CRTC3: variants seen among roughly 807,000 people sequenced by gnomAD.
CRTC3 encodes CREB regulated transcription coactivator 3.
In CRTC3, 26 loss-of-function variants were observed where a neutral mutation model predicts 74.5. The ratio of observed to expected loss-of-function variants is 0.35; its 90% confidence interval spans 0.26 to 0.48. The LOEUF (loss-of-function observed/expected upper bound fraction) is 0.48. Ranked by LOEUF, CRTC3 falls within the 20% of genes least tolerant of loss-of-function variation. The probability of loss-of-function intolerance (pLI) is 0.99; values close to 1 mark genes in which losing one functional copy is unlikely to be tolerated. For synonymous variants in CRTC3, 377 were observed against 325.8 expected, an observed-to-expected ratio of 1.16 and a Z score of -1.69; for missense variants, 760 against 787.3, an observed-to-expected ratio of 0.97 and a Z score of 0.41.
rs1284411159 is a variant in CRTC3 at position 90,593,394 on chromosome 15, C to A, written c.232-242C>A. ...TGATTCTCCTCCCCCAATTGCATGA[C>A]AACTTTTATTATTCTTTCAGCTTTC... On this transcript the variant is annotated intron_variant, in intron 2 of 14. Coordinates refer to ENST00000268184, the MANE Select transcript of CRTC3 (RefSeq NM_022769.5). 2.0e-5 allele frequency among the ~76,000 whole-genome samples: 3 copies of A among 152,168 alleles called. No homozygotes were observed. The East Asian group carries it at 5.8e-4, about 29-fold the overall frequency.
chr15:90,624,087 C>A (rs1968744002), intron 9 of CRTC3, among the ~76,000 whole-genome samples: 1 of 152,174 alleles, frequency 6.6e-6, no homozygotes, highest in East Asian at 1.9e-4. Flanking sequence ...GGTTATGCTC[C>A]TTATGGCTCA....
intron 9 of CRTC3, among the ~76,000 whole-genome samples, chr15:90,624,054 C>T (rs1438909350): frequency 6.6e-6 from 1 of 152,202 alleles, no homozygotes; most frequent in Non-Finnish European, 1.5e-5. Flanking sequence ...TATCACTGCA[C>T]TACTGAATTG....
chr15:90,636,410 G>A (rs1219701872), intron 11 of CRTC3, among the ~76,000 whole-genome samples: 1 of 148,314 alleles, frequency 6.7e-6, no homozygotes, highest in East Asian at 2.0e-4. Context: ...ATTAATTCAA[G>A]ATGGATTAAA....
At chr15:90,625,227 C>T (rs1968790729) in intron 9 of CRTC3, among the ~76,000 whole-genome samples, 1 of 152,262 alleles carries the variant, frequency 6.6e-6, no homozygotes, top group African/African-American at 2.4e-5. Context: ...CGGACACACT[C>T]GCCCTGCTTG....
At position 90,642,124 on chromosome 15, in the gene CRTC3, G is replaced by A. The variant is rs754979131; in HGVS notation, c.1844G>A (p.Arg615Gln). ...LLDPSVEETF[R>Q]ADRL ...GACCCCTCTGTTGAAGAGACGTTTC[G>A]AGCTGACAGACTGTGAACAGAAGGC... The change falls in exon 15 of 15, where the codon CGA (arginine) becomes CAA (glutamine). Residue 615 changes from arginine to glutamine, a missense_variant. Physicochemically the swap from Arg to Gln is conservative, Grantham distance 43 (BLOSUM62 1). This residue lies in a region of CRTC3 where 652 missense variants were observed against 635.2 expected (regional missense o/e 1.03). Coordinates refer to ENST00000268184, the MANE Select transcript of CRTC3 (RefSeq NM_022769.5). 1.9e-5 allele frequency: 31 copies of A among 1,613,856 alleles called. No individual in the cohort carries two copies. Among genetic ancestry groups the A allele is most frequent in the African/African-American group, 1.2e-4 (9 of 74,926 alleles).
chr15:90,540,982 A>G (rs952767002), intron 2 of CRTC3, among the ~76,000 whole-genome samples: 1 of 152,176 alleles, frequency 6.6e-6, no homozygotes, highest in African/African-American at 2.4e-5. Context: ...TGGCTACCAC[A>G]TGGCTCAGTG....
chr15:90,591,899 T>C (rs578215206), intron 2 of CRTC3, among the ~76,000 whole-genome samples: 1 of 152,356 alleles, frequency 6.6e-6, no homozygotes, highest in African/African-American at 2.4e-5. Flanking sequence ...TTCTCTAGAA[T>C]AGAGTATTCC....
At chr15:90,641,454 T>C (rs899977741) in intron 14 of CRTC3, among the ~76,000 whole-genome samples, 3 of 152,010 alleles carry the variant, frequency 2.0e-5, no homozygotes, top group Non-Finnish European at 4.4e-5. Flanking sequence ...TCCCAGCACT[T>C]TGGGAGGCCG....
At chr15:90,617,802 A>T in intron 7 of CRTC3, 81 bp from the exon 8 acceptor site, 1 of 908,712 alleles carries the variant, frequency 1.1e-6, no homozygotes, top group Non-Finnish European at 1.8e-6. Context: ...AAGTGCTAGG[A>T]TTATAGGCGT....
chr15:90,569,221 C>T (rs1429122792), intron 2 of CRTC3, among the ~76,000 whole-genome samples: 1 of 151,766 alleles, frequency 6.6e-6, no homozygotes, highest in Non-Finnish European at 1.5e-5. Flanking sequence ...CCAGGCTGGT[C>T]TCAAACTCCT....
chr15:90,550,538 G>T (rs957899639), intron 2 of CRTC3, among the ~76,000 whole-genome samples: 6 of 150,614 alleles, frequency 4.0e-5, no homozygotes, highest in Non-Finnish European at 8.8e-5. Flanking sequence ...CAAGCAGATG[G>T]CACTGTCATG....
Position 90,530,220 on chromosome 15 carries a change from GCGCGGGCGGGGGCGGCCACGGC to G in CRTC3, c.132+28_132+49del, listed in dbSNP as rs754618349. On this transcript the variant is annotated intron_variant, in intron 1 of 14. Coordinates refer to ENST00000268184, the MANE Select transcript of CRTC3 (RefSeq NM_022769.5). This position sits in a 1 kb window ranked among gnomAD's most constrained non-coding sequence, Gnocchi z 6.2. ...CTGTCGCGGGTGAGGGCCCGGGCCGGCGCGGGCGGGGGCGGCCACGGCCGCGGGCGGGACCCGCGCGGCGGGT... is the reference window on the plus strand; with the variant it reads ...CTGTCGCGGGTGAGGGCCCGGGCCGGCGCGGGCGGGACCCGCGCGGCGGGT... 187 of 1,134,654 alleles carry G rather than the reference GCGCGGGCGGGGGCGGCCACGGC, an allele frequency of 1.6e-4. No homozygotes were observed. Among genetic ancestry groups the G allele is most frequent in the African/African-American group, 3.3e-4 (19 of 58,214 alleles). 70.3% of individuals were successfully genotyped at this position (1,134,654 alleles called of 1,614,324 possible). A position where few individuals can be genotyped will look rare whatever the true frequency, so the allele number is the denominator to read the frequency against.
intron 8 of CRTC3, among the ~76,000 whole-genome samples, chr15:90,618,608 T>C (rs142376268): frequency 2.1e-3 from 317 of 152,326 alleles, no homozygotes; most frequent in African/African-American, 7.5e-3. Flanking sequence ...GTTAATCTGT[T>C]CCAGCCCTTA....
At position 90,533,545 on chromosome 15, in the gene CRTC3, G is replaced by A. The variant is rs80187261; in HGVS notation, c.132+3342G>A. ...GTGCCTACTTTGTTGTTAATGGGGT[G>A]TGTGTTTGTGAGGGAGAAGAGTGAA... is the stretch of plus-strand genomic sequence containing the variant. On this transcript the variant is annotated intron_variant, in intron 1 of 14. Coordinates refer to ENST00000268184, the MANE Select transcript of CRTC3 (RefSeq NM_022769.5). Among the ~76,000 whole-genome samples the A allele has an allele frequency of 2.6e-5, 4 of 152,246 alleles. No homozygotes were observed. In the East Asian group the frequency reaches 7.7e-4, roughly 29 times the overall value.
chr15:90,571,227 C>G (rs2151069785), intron 2 of CRTC3, among the ~76,000 whole-genome samples: 1 of 152,206 alleles, frequency 6.6e-6, no homozygotes, highest in Admixed American at 6.5e-5. Flanking sequence ...ATTGTGACAC[C>G]ATGTGACAAA....
At chr15:90,538,468 C>T (rs954980187) in intron 1 of CRTC3, among the ~76,000 whole-genome samples, 5 of 152,100 alleles carry the variant, frequency 3.3e-5, no homozygotes, top group South Asian at 2.1e-4. Flanking sequence ...TGAAGGATTT[C>T]GTATGCCTTT....
chr15:90,542,619 G>C (rs1966821717), intron 2 of CRTC3, among the ~76,000 whole-genome samples: 2 of 152,278 alleles, frequency 1.3e-5, no homozygotes, highest in African/African-American at 4.8e-5. Context: ...AAAATTAACA[G>C]TGATCCATTA....
At chr15:90,572,161 CAAAAAAA>C (rs56906718) in intron 2 of CRTC3, among the ~76,000 whole-genome samples, 215 of 124,416 alleles carry the variant, frequency 1.7e-3, no homozygotes, top group Admixed American at 5.1e-3. Flanking sequence ...GATTCTTTCT[CAAAAAAA>C]AAAAAAAAAA....
At chr15:90,537,858 G>A (rs186484898) in intron 1 of CRTC3, among the ~76,000 whole-genome samples, 29 of 152,332 alleles carry the variant, frequency 1.9e-4, no homozygotes, top group Admixed American at 5.2e-4. Flanking sequence ...GTAGAGACGG[G>A]GTTTCACCGT....
Sources: gnomAD v4.1 joint callset for allele counts (sites outside exome capture counted in the v4.1 genomes callset) on GRCh38, gnomAD v4.1.1 for gene constraint, gnomAD v4.1.1 regional missense constraint, Gnocchi (gnomAD v3.1) non-coding constraint, MANE v1.5 for transcripts, NCBI Gene and HGNC (gene_info 2026-07-23, HGNC 2026-07-21) for gene names.